Variants in ZNF430 observed in about 807,000 individuals in gnomAD.
ZNF430 encodes the protein zinc finger protein 430.
In ZNF430, 35 loss-of-function variants were observed where a neutral mutation model predicts 56.7. That is an observed-to-expected ratio of 0.62 (90% CI 0.47 to 0.82). The LOEUF is 0.82. Among genes scored for constraint, ZNF430 ranks in the 40% least tolerant of loss-of-function variants. The pLI is 0.00. For synonymous variants in ZNF430, 212 were observed against 224.3 expected (o/e 0.94, Z 0.49); for missense variants, 574 against 661.0 (o/e 0.87, Z 1.44).
chr19:21,046,729 A>G (rs1217052850), intron 4 of ZNF430, among the ~76,000 whole-genome samples: 1 of 151,988 alleles, frequency 6.6e-6, no homozygotes, highest in African/African-American at 2.4e-5. Flanking sequence ...ACTTTTGTCT[A>G]TAGGTGATGT....
chr19:21,020,896 T>C lies in ZNF430; in HGVS notation c.3+93T>C, dbSNP rs373081116. The C allele has an allele frequency of 3.9e-6, 6 of 1,548,604 alleles. No homozygotes were observed. In the African/African-American group the frequency reaches 8.2e-5, roughly 21 times the overall value. ...TGGCGGGACTCAGGCCTCCCGGCAGTCAGCTGCACAATCTGCGCCCCGAGT... is the reference window on the plus strand; with the variant it reads ...TGGCGGGACTCAGGCCTCCCGGCAGCCAGCTGCACAATCTGCGCCCCGAGT... On this transcript the variant is annotated intron_variant, in intron 1 of 4. Coordinates refer to ENST00000261560, the MANE Select transcript of ZNF430 (RefSeq NM_025189.4).
chr19:21,038,084 G>A (rs911057631), intron 4 of ZNF430, among the ~76,000 whole-genome samples: 1 of 151,856 alleles, frequency 6.6e-6, no homozygotes, highest in East Asian at 1.9e-4. Flanking sequence ...TTTTGTTGTT[G>A]TTCCTCAGGC....
At chr19:21,054,235 A>G (rs1968332602) in intron 4 of ZNF430, among the ~76,000 whole-genome samples, 1 of 152,166 alleles carries the variant, frequency 6.6e-6, no homozygotes. Context: ...TTTCCAGAAA[A>G]TAATGTATTT....
At chr19:21,055,192 TTA>T (rs1017835860) in intron 4 of ZNF430, among the ~76,000 whole-genome samples, 3 of 152,108 alleles carry the variant, frequency 2.0e-5, no homozygotes, top group Non-Finnish European at 4.4e-5. Flanking sequence ...TCTGAAACTT[TTA>T]TATTTTTGAT....
intron 4 of ZNF430, among the ~76,000 whole-genome samples, chr19:21,048,993 T>C (rs1003136485): frequency 1.3e-5 from 2 of 151,950 alleles, no homozygotes; most frequent in South Asian, 4.1e-4. Context: ...GTCAGGAGTT[T>C]GAGACCAGCC....
At chr19:21,056,588 G>A in intron 4 of ZNF430, 43 bp from the exon 5 acceptor site, 3 of 1,369,034 alleles carry the variant, frequency 2.2e-6, no homozygotes, top group Non-Finnish European at 3.0e-6. Context: ...ATATTCATCT[G>A]AGTCTAGTAA....
intron 4 of ZNF430, among the ~76,000 whole-genome samples, chr19:21,053,907 TTTTG>T (rs756646959): frequency 2.0e-5 from 3 of 152,184 alleles, no homozygotes; most frequent in Non-Finnish European, 4.4e-5. Context: ...TTCTTTCTTA[TTTTG>T]TTTGTGTATC....
At position 21,020,816 on chromosome 19, in the gene ZNF430, G is replaced by C; in HGVS notation, c.3+13G>C. 6.2e-7 allele frequency: 1 copy of C among 1,613,890 alleles called. No homozygotes were observed. The highest frequency in any genetic ancestry group is 8.5e-7 in the Non-Finnish European group (1 of 1,179,842). Reference sequence around the variant, plus strand: ...AAGCCTAGAAATGGTGAGAGTGCCGGGTCCGACATCCCCAGAGAGGGGAGG... The same window carrying C: ...AAGCCTAGAAATGGTGAGAGTGCCGCGTCCGACATCCCCAGAGAGGGGAGG... On this transcript the variant is annotated intron_variant, in intron 1 of 4. Transcript: ENST00000261560.
At chr19:21,026,001 C>T in intron 2 of ZNF430, 4 of 391,540 alleles carry the variant, frequency 1.0e-5, no homozygotes, top group Admixed American at 3.5e-5. Flanking sequence ...TAATGTGGGC[C>T]CCAGATCCAT....
At chr19:21,029,671 A>G (rs910878533) in intron 2 of ZNF430, among the ~76,000 whole-genome samples, 1 of 152,118 alleles carries the variant, frequency 6.6e-6, no homozygotes, top group Admixed American at 6.5e-5. Context: ...CTGATTTATA[A>G]AAATCAGAGT....
chr19:21,021,822 GATTTTTTTTTT>G (rs1967692290), intron 1 of ZNF430, among the ~76,000 whole-genome samples: 3 of 107,034 alleles, frequency 2.8e-5, no homozygotes, highest in Non-Finnish European at 4.9e-5. Flanking sequence ...GCCTGAGTTA[GATTTTTTTTTT>G]TTTTTTTTTT....
intron 2 of ZNF430, among the ~76,000 whole-genome samples, chr19:21,029,232 C>T (rs1247151374): frequency 6.6e-6 from 1 of 152,066 alleles, no homozygotes; most frequent in Non-Finnish European, 1.5e-5. Context: ...ATGGTTGGTA[C>T]AATGAATAGA....
chr19:21,034,539 CTT>C (rs112328192), intron 4 of ZNF430: 153 of 155,042 alleles, frequency 9.9e-4, no homozygotes, highest in African/African-American at 1.8e-3. Flanking sequence ...TTTTTTCTTT[CTT>C]TTTTTTTTTT....
At chr19:21,054,877 TA>T (rs1339069020) in intron 4 of ZNF430, among the ~76,000 whole-genome samples, 3 of 151,800 alleles carry the variant, frequency 2.0e-5, no homozygotes, top group African/African-American at 7.3e-5. Context: ...GGTTTCGCCG[TA>T]TTAGCCAGGA....
intron 4 of ZNF430, among the ~76,000 whole-genome samples, chr19:21,037,068 A>T (rs1266595406): frequency 6.6e-6 from 1 of 151,728 alleles, no homozygotes; most frequent in Admixed American, 6.6e-5. Flanking sequence ...ATTTCAGGTG[A>T]CATAATATTC....
At position 21,043,872 on chromosome 19, in the gene ZNF430, G is replaced by A. The variant is rs138183676; in HGVS notation, c.322+9688G>A. ...TTGTAGCAATTGTGGATGGAGGTTC[G>A]TTCATGATATGGCTCTCTGCTTGTT... is the stretch of plus-strand genomic sequence containing the variant. On this transcript the variant is annotated intron_variant, in intron 4 of 4. Transcript: ENST00000261560. Among the ~76,000 whole-genome samples the A allele has an allele frequency of 4.2e-3, 636 of 151,682 alleles. 6 individuals carry two copies. The highest frequency in any genetic ancestry group is 0.014 in the African/African-American group (584 of 41,354).
chr19:21,056,669 C>A lies in ZNF430; in HGVS notation c.361C>A (p.Gln121Lys), dbSNP rs1360426491. The A allele has an allele frequency of 6.4e-7, 1 of 1,573,914 alleles. No individual in the cohort carries two copies. The highest frequency in any genetic ancestry group is 8.6e-7 in the Non-Finnish European group (1 of 1,160,572). The part of the protein sequence containing the change: ...SHFAQDLWPE[Q>K]GIKDSFQEVI... ...TTTTGCCCAAGACCTTTGGCCAGAG[C>A]AGGGCATAAAAGATTCTTTCCAAGA... Residue 121 changes from glutamine to lysine, a missense_variant, in exon 5 of 5, where the codon CAG becomes AAG. By Grantham distance (53) the Gln-to-Lys change is moderately conservative. This residue lies in a region of ZNF430 where 346 missense variants were observed against 399.1 expected (regional missense o/e 0.87). Coordinates refer to ENST00000261560, the MANE Select transcript of ZNF430 (RefSeq NM_025189.4).
At chr19:21,033,332 C>A in intron 2 of ZNF430, 124 bp from the exon 3 acceptor site, 3 of 1,300,882 alleles carry the variant, frequency 2.3e-6, no homozygotes, top group Non-Finnish European at 2.1e-6. Context: ...TGGATAATTT[C>A]AGTCATTCCT....
At chr19:21,025,590 C>CT (rs952807682) in intron 2 of ZNF430, among the ~76,000 whole-genome samples, 72 of 147,478 alleles carry the variant, frequency 4.9e-4, no homozygotes, top group African/African-American at 1.2e-3. Flanking sequence ...GACATTTCTC[C>CT]TTTTTTTTTT....
Sources: allele counts gnomAD v4.1 joint callset (sites outside exome capture counted in the v4.1 genomes callset), GRCh38; gene constraint gnomAD v4.1.1; regional missense constraint gnomAD v4.1.1; transcripts MANE v1.5; gene names NCBI Gene and HGNC (gene_info 2026-07-23, HGNC 2026-07-21).